The following ZNHIT6 variants were observed in gnomAD, a reference collection of about 807,000 sequenced individuals.
ZNHIT6 encodes the protein box C/D snoRNA protein 1.
A neutral mutation model predicts 57.2 loss-of-function variants in ZNHIT6; 45 were observed. The ratio of observed to expected loss-of-function variants is 0.79; its 90% CI spans 0.62 to 1.01. The LOEUF is 1.01. ZNHIT6 is among the 50% of genes least tolerant of loss of function. ZNHIT6 has a pLI of 0.00. For synonymous variants in ZNHIT6, 188 were observed against 190.0 expected (o/e 0.99, Z 0.09); for missense variants, 528 against 567.3 (o/e 0.93, Z 0.70).
intron 8 of ZNHIT6, among the ~76,000 whole-genome samples, chr1:85,664,022 G>C (rs1417242249): frequency 6.6e-6 from 1 of 152,260 alleles, no homozygotes; most frequent in East Asian, 1.9e-4. Flanking sequence ...TGACGATTAT[G>C]TATCTTAGGG....
At position 85,702,164 on chromosome 1, in the gene ZNHIT6, C is replaced by T. The variant is rs766413873; in HGVS notation, c.1012G>A (p.Asp338Asn). The change falls in exon 5 of 10, where the codon GAT (aspartate) becomes AAT (asparagine). Residue 338 changes from aspartate (D) to asparagine (N), a missense_variant. Coordinates refer to ENST00000370574, the MANE Select transcript of ZNHIT6 (RefSeq NM_017953.4). ...AAAAAGTTAGAAACTTACTTCTTAT[C>T]AAAAAAGGTTGAATTCTCCTTCCTC... The part of the protein sequence containing the change: ...TKRKENSTFF[D>N]KKKQQFCWHV... 3.7e-6 allele frequency: 6 copies of T among 1,600,474 alleles called. No individual in the cohort carries two copies. Among genetic ancestry groups the T allele is most frequent in the Non-Finnish European group, 5.1e-6 (6 of 1,174,668 alleles).
intron 8 of ZNHIT6, among the ~76,000 whole-genome samples, chr1:85,664,694 G>A (rs563289273): frequency 4.6e-5 from 7 of 151,776 alleles, no homozygotes; most frequent in Non-Finnish European, 7.4e-5. Flanking sequence ...CCTGCGTGAC[G>A]AAATAATCTG....
intron 5 of ZNHIT6, among the ~76,000 whole-genome samples, chr1:85,690,333 C>G (rs1204123873): frequency 6.6e-6 from 1 of 152,178 alleles, no homozygotes; most frequent in African/African-American, 2.4e-5. Context: ...CACCAAATTA[C>G]TTACATTGTG....
chr1:85,666,780 T>C (rs1441608537), intron 8 of ZNHIT6, among the ~76,000 whole-genome samples: 1 of 152,212 alleles, frequency 6.6e-6, no homozygotes, highest in East Asian at 1.9e-4. Context: ...ACTTGACATA[T>C]TCCCTTTCTG....
chr1:85,681,665 T>A (rs1350624033), intron 5 of ZNHIT6, among the ~76,000 whole-genome samples: 1 of 152,168 alleles, frequency 6.6e-6, no homozygotes, highest in African/African-American at 2.4e-5. Flanking sequence ...ATCTATCCCA[T>A]AGCAGTAGGA....
At chr1:85,702,040 A>G in intron 5 of ZNHIT6, 117 bp downstream of exon 5, 1 of 672,978 alleles carries the variant, frequency 1.5e-6, no homozygotes, top group East Asian at 2.8e-5. Context: ...TCATGGACCA[A>G]TAACAAACAG....
At chr1:85,691,251 T>C (rs1172426602) in intron 5 of ZNHIT6, among the ~76,000 whole-genome samples, 1 of 152,164 alleles carries the variant, frequency 6.6e-6, no homozygotes, top group Non-Finnish European at 1.5e-5. Context: ...TAATAAAAAA[T>C]AAACATTCAA....
intron 7 of ZNHIT6, 121 bp downstream of exon 7, chr1:85,678,580 A>G: frequency 1.5e-6 from 1 of 676,942 alleles, no homozygotes; most frequent in Non-Finnish European, 2.5e-6. Context: ...AGTAAACACC[A>G]AGAAAATGTG....
At chr1:85,697,174 A>G (rs1662397920) in intron 5 of ZNHIT6, among the ~76,000 whole-genome samples, 1 of 151,934 alleles carries the variant, frequency 6.6e-6, no homozygotes, top group South Asian at 2.1e-4. Context: ...CCGGCCAACC[A>G]TCTATTCTTA....
At chr1:85,671,101 T>C (rs1661545264) in intron 8 of ZNHIT6, among the ~76,000 whole-genome samples, 1 of 152,184 alleles carries the variant, frequency 6.6e-6, no homozygotes, top group Admixed American at 6.5e-5. Flanking sequence ...GTTAAAACTA[T>C]ATCTAGATTT....
At position 85,652,512 on chromosome 1, in the gene ZNHIT6, A is replaced by G. The variant is rs1660940517; in HGVS notation, c.*1546T>C. The G allele has an allele frequency of 6.6e-6, 1 of 152,210 alleles. No individual in the cohort carries two copies. Among genetic ancestry groups the G allele is most frequent in the Non-Finnish European group, 1.5e-5 (1 of 68,028 alleles). The allele number at this position is 152,210 out of a possible 1,614,324, so 9.4% of individuals were successfully genotyped here. A position where few individuals can be genotyped will look rare whatever the true frequency, so the allele number is the denominator to read the frequency against. On this transcript the variant is annotated 3_prime_UTR_variant, in exon 10 of 10. Coordinates refer to ENST00000370574, the MANE Select transcript of ZNHIT6 (RefSeq NM_017953.4). ...CTCAAGTTGCAAGGACTCACTTTCTATGAACTTTCTATGAATCACATTCCA... is the reference window on the plus strand; with the variant it reads ...CTCAAGTTGCAAGGACTCACTTTCTGTGAACTTTCTATGAATCACATTCCA...
chr1:85,691,662 C>T (rs1052408475), intron 5 of ZNHIT6, among the ~76,000 whole-genome samples: 3 of 152,148 alleles, frequency 2.0e-5, no homozygotes, highest in Admixed American at 6.5e-5. Flanking sequence ...TTTGGGAGGC[C>T]GAGGCAGGCG....
chr1:85,686,763 C>T (rs1662051351), intron 5 of ZNHIT6, among the ~76,000 whole-genome samples: 1 of 152,094 alleles, frequency 6.6e-6, no homozygotes, highest in Admixed American at 6.6e-5. Flanking sequence ...TCTTTATTGA[C>T]ACTGTACATA....
chr1:85,697,338 G>T (rs926548576), intron 5 of ZNHIT6, among the ~76,000 whole-genome samples: 2 of 146,306 alleles, frequency 1.4e-5, no homozygotes, highest in Non-Finnish European at 3.0e-5. Flanking sequence ...TTTCCTTTTG[G>T]CTTCTGGATG....
chr1:85,661,613 T>C (rs1390674239), intron 8 of ZNHIT6, among the ~76,000 whole-genome samples: 1 of 152,204 alleles, frequency 6.6e-6, no homozygotes, highest in Non-Finnish European at 1.5e-5. Context: ...TATTGTCACA[T>C]TTACTTCCAA....
intron 6 of ZNHIT6, among the ~76,000 whole-genome samples, chr1:85,679,871 C>T (rs924500671): frequency 1.6e-4 from 25 of 152,102 alleles, no homozygotes; most frequent in African/African-American, 4.1e-4. Flanking sequence ...AGGTGTGAGC[C>T]GCTGCATCTG....
intron 9 of ZNHIT6, among the ~76,000 whole-genome samples, chr1:85,655,444 A>G (rs1661035670): frequency 6.6e-6 from 1 of 152,186 alleles, no homozygotes; most frequent in Non-Finnish European, 1.5e-5. Flanking sequence ...TTTGGGTTGG[A>G]TTCCTTCTCT....
rs150856179 is a variant in ZNHIT6, at chr1:85,706,978, A to C, written c.657-471T>G. Among the ~76,000 whole-genome samples the C allele has an allele frequency of 3.3e-5, 5 of 152,334 alleles. No homozygotes were observed. In the East Asian group the frequency reaches 9.6e-4, roughly 29 times the overall value. Reference sequence around the variant, plus strand: ...TGAACTCCACGCCTAATCTAGAATGAGCATCGAAATAATCTAGAAATGCCA... The same window carrying C: ...TGAACTCCACGCCTAATCTAGAATGCGCATCGAAATAATCTAGAAATGCCA... On this transcript the variant is annotated intron_variant, in intron 1 of 9. Transcript: ENST00000370574.
chr1:85,662,503 C>T (rs1661253771), intron 8 of ZNHIT6, among the ~76,000 whole-genome samples: 1 of 40,940 alleles, frequency 2.4e-5, no homozygotes, highest in Non-Finnish European at 6.9e-5. Context: ...TAAATTATTC[C>T]AAAAAAGTTT....
Sources: allele counts gnomAD v4.1 joint callset (sites outside exome capture counted in the v4.1 genomes callset), GRCh38; gene constraint gnomAD v4.1.1; transcripts MANE v1.5; gene names NCBI Gene and HGNC (gene_info 2026-07-23, HGNC 2026-07-21).